KALRN: variants seen among roughly 807,000 people sequenced by gnomAD.
KALRN encodes the protein kalirin.
KALRN carries 70 observed loss-of-function variants against 353.7 expected under a neutral mutation model. The observed-to-expected ratio is 0.20, with a 90% confidence interval of 0.16 to 0.24. The LOEUF (loss-of-function observed/expected upper bound fraction) is 0.24, where lower values mean the gene tolerates loss of function less well. Ranked by LOEUF, KALRN falls within the 10% of genes least tolerant of loss-of-function variation. The pLI is 1.00. For synonymous variants in KALRN, 1,391 were observed against 1,434.8 expected (o/e 0.97, Z 0.69); for missense variants, 2,791 against 3,756.7 (o/e 0.74, Z 6.72).
At chr3:124,527,640 A>C (rs1270892822) in intron 33 of KALRN, among the ~76,000 whole-genome samples, 2 of 151,928 alleles carry the variant, frequency 1.3e-5, no homozygotes, top group African/African-American at 4.8e-5. Context: ...CATTGGGGAG[A>C]AGCAATTTTA....
chr3:124,468,180 A>G (rs1355105765), intron 25 of KALRN, among the ~76,000 whole-genome samples: 1 of 152,236 alleles, frequency 6.6e-6, no homozygotes, highest in African/African-American at 2.4e-5. Flanking sequence ...TGATATACGC[A>G]TGCATATATG....
chr3:124,462,024 C>A, intron 24 of KALRN, 68 bp downstream of exon 24: 1 of 1,198,738 alleles, frequency 8.3e-7, no homozygotes, highest in South Asian at 1.3e-5. Flanking sequence ...ATCAAGTCCT[C>A]AATTGGAATT....
At chr3:124,230,847 C>T (rs372660593) in intron 2 of KALRN, among the ~76,000 whole-genome samples, 3 of 128,840 alleles carry the variant, frequency 2.3e-5, no homozygotes, top group Admixed American at 1.7e-4. Context: ...AACAAAAAAA[C>T]CCCCAAAACC....
intron 21 of KALRN, among the ~76,000 whole-genome samples, chr3:124,452,598 AT>A (rs1201008354): frequency 1.3e-5 from 2 of 152,196 alleles, no homozygotes; most frequent in African/African-American, 2.4e-5. Context: ...CAGGAGAGGC[AT>A]GCAACATTCA....
At chr3:124,139,084 C>T (rs1037814008) in intron 1 of KALRN, among the ~76,000 whole-genome samples, 10 of 152,066 alleles carry the variant, frequency 6.6e-5, no homozygotes, top group Admixed American at 5.9e-4. Context: ...GGATAAAAGT[C>T]CTTTTGTGGT....
intron 6 of KALRN, among the ~76,000 whole-genome samples, chr3:124,307,737 A>C (rs566567826): frequency 3.3e-5 from 5 of 152,130 alleles, no homozygotes; most frequent in South Asian, 2.1e-4. Context: ...AGACATATAG[A>C]AAAAAGTCAA....
At chr3:124,080,902 G>C (rs1418175520) in intron 1 of KALRN, among the ~76,000 whole-genome samples, 1 of 152,126 alleles carries the variant, frequency 6.6e-6, no homozygotes, top group Non-Finnish European at 1.5e-5. Context: ...CTAAGGAAAC[G>C]ATTGTTTTAA....
intron 1 of KALRN, among the ~76,000 whole-genome samples, chr3:124,091,210 A>G (rs895452019): frequency 6.6e-6 from 1 of 152,206 alleles, no homozygotes; most frequent in African/African-American, 2.4e-5. Context: ...TTGCAGGTCA[A>G]AATGGTAGCC....
intron 10 of KALRN, among the ~76,000 whole-genome samples, chr3:124,370,074 A>C (rs151133450): frequency 6.6e-6 from 1 of 152,288 alleles, no homozygotes; most frequent in East Asian, 1.9e-4. Context: ...AAATATATAA[A>C]CGTTATTTGT....
chr3:124,061,331 A>G (rs552530562), intron 1 of KALRN, among the ~76,000 whole-genome samples: 92 of 152,292 alleles, frequency 6.0e-4, no homozygotes, highest in Non-Finnish European at 1.3e-3. Flanking sequence ...AATTTTCATA[A>G]TAACTCCATT....
intron 15 of KALRN, among the ~76,000 whole-genome samples, chr3:124,428,128 T>C (rs1235166928): frequency 1.3e-5 from 2 of 152,168 alleles, no homozygotes; most frequent in Admixed American, 1.3e-4. Context: ...AACTAGCCAG[T>C]TTTATGAACC....
intron 17 of KALRN, 41 bp from the exon 18 acceptor site, chr3:124,438,847 A>G: frequency 6.3e-7 from 1 of 1,576,768 alleles, no homozygotes; most frequent in South Asian, 1.1e-5. Flanking sequence ...ATAATTCCTG[A>G]ATAATTAATT....
chr3:124,641,637 T>C (rs1578573978), intron 37 of KALRN, among the ~76,000 whole-genome samples: 1 of 152,208 alleles, frequency 6.6e-6, no homozygotes, highest in Admixed American at 6.5e-5. Context: ...ATGATGATAA[T>C]TGAGTAGGCA....
chr3:124,381,987 C>T (rs904924290), intron 10 of KALRN, among the ~76,000 whole-genome samples: 2 of 152,166 alleles, frequency 1.3e-5, no homozygotes, highest in Non-Finnish European at 2.9e-5. Flanking sequence ...TCCTCAGACT[C>T]CTGCCTATAT....
rs547935265 is a variant in KALRN, at chr3:124,654,956, G to A, written c.5796-645G>A. On this transcript the variant is annotated intron_variant, in intron 38 of 59. Coordinates refer to ENST00000682506, the MANE Select transcript of KALRN (RefSeq NM_001388419.1). ...AATGTCCTTGTAATTGTTAAATCCT[G>A]CATCCTGGAGAAGGTAGTGCTGCAT... Among the ~76,000 whole-genome samples the A allele has an allele frequency of 4.6e-5, 7 of 152,348 alleles. No homozygotes were observed. The South Asian group carries it at 1.2e-3, about 27-fold the overall frequency.
intron 6 of KALRN, among the ~76,000 whole-genome samples, chr3:124,325,278 G>T (rs1228324985): frequency 1.3e-5 from 2 of 152,084 alleles, no homozygotes; most frequent in African/African-American, 4.8e-5. Context: ...ATGCCTTTTG[G>T]GGTCAGGTGG....
chr3:124,039,432 A>C (rs13080839), intron 1 of KALRN, among the ~76,000 whole-genome samples: 3 of 152,196 alleles, frequency 2.0e-5, no homozygotes, highest in Non-Finnish European at 2.9e-5. Flanking sequence ...GGTAAGAAAA[A>C]GGATCTTTTT....
intron 1 of KALRN, chr3:124,096,559 G>A (rs557776561): frequency 1.3e-5 from 2 of 152,340 alleles, no homozygotes; most frequent in South Asian, 2.1e-4. Context: ...TAATGTATAA[G>A]CTATAATACT....
At chr3:124,586,214 G>A (rs1425567095) in intron 34 of KALRN, among the ~76,000 whole-genome samples, 4 of 152,160 alleles carry the variant, frequency 2.6e-5, no homozygotes, top group African/African-American at 9.7e-5. Context: ...AACCAAGGCT[G>A]GGAATTGAGG....
Sources: gnomAD v4.1 joint callset for allele counts (sites outside exome capture counted in the v4.1 genomes callset) on GRCh38, gnomAD v4.1.1 for gene constraint, MANE v1.5 for transcripts, NCBI Gene and HGNC (gene_info 2026-07-23, HGNC 2026-07-21) for gene names.